NDRG1: variants seen among roughly 807,000 people sequenced by gnomAD.
The protein encoded by NDRG1 is N-myc downstream regulated 1.
NDRG1 carries 32 observed loss-of-function variants against 56.9 expected under a neutral mutation model. The observed-to-expected ratio is 0.56, with a 90% confidence interval of 0.42 to 0.76. The LOEUF (loss-of-function observed/expected upper bound fraction) is 0.76, where lower values mean the gene tolerates loss of function less well. NDRG1 is among the 30% of genes least tolerant of loss of function. The pLI is 0.00. For missense variants in NDRG1, 507 were observed against 545.7 expected, an observed-to-expected ratio of 0.93 and a Z score of 0.71; for synonymous variants, 211 against 204.1, an observed-to-expected ratio of 1.03 and a Z score of -0.29.
intron 12 of NDRG1, among the ~76,000 whole-genome samples, chr8:133,247,498 C>T (rs1364221463): frequency 1.3e-5 from 2 of 152,226 alleles, no homozygotes; most frequent in African/African-American, 4.8e-5. Context: ...CCCTGCCTCC[C>T]AGTGCCTCTC....
intron 9 of NDRG1, among the ~76,000 whole-genome samples, chr8:133,253,662 T>C (rs974360398): frequency 2.0e-5 from 3 of 152,196 alleles, no homozygotes; most frequent in Non-Finnish European, 4.4e-5. Flanking sequence ...CTGTTGCACA[T>C]ACATAAAATG....
chr8:133,243,942 GCA>G lies in NDRG1; in HGVS notation c.891+411_891+412del, dbSNP rs962460613. Reference sequence around the variant, plus strand: ...CATGCACACAGACATGTGTACACATGCACACACACAGACGTGTACACATGCAC... The same window carrying G: ...CATGCACACAGACATGTGTACACATGCACACACAGACGTGTACACATGCAC... On this transcript the variant is annotated intron_variant, in intron 14 of 15. Coordinates refer to ENST00000323851, the MANE Select transcript of NDRG1 (RefSeq NM_006096.4). 3.3e-5 allele frequency among the ~76,000 whole-genome samples: 5 copies of G among 151,990 alleles called. No homozygotes were observed. In the South Asian group the frequency reaches 8.4e-4, roughly 25 times the overall value.
At position 133,267,040 on chromosome 8, in the gene NDRG1, C is replaced by A. The variant is rs188984753; in HGVS notation, c.100-2388G>T. On this transcript the variant is annotated intron_variant, in intron 3 of 15. Transcript: ENST00000323851. ...TCCAACAAGAACTCACCACCTCCCC[C>A]TCCCCAGCGGAGGAGTGCAGGGGTT... Among the ~76,000 whole-genome samples, 88 of 152,328 alleles carry A rather than the reference C, an allele frequency of 5.8e-4. 2 individuals carry two copies. The highest frequency in any genetic ancestry group is 1.9e-3 in the African/African-American group (78 of 41,566).
chr8:133,251,658 C>T (rs1420781478), intron 9 of NDRG1, among the ~76,000 whole-genome samples: 5 of 152,134 alleles, frequency 3.3e-5, no homozygotes, highest in Non-Finnish European at 7.3e-5. Flanking sequence ...ATGTGTCACA[C>T]GCTGTGGAAT....
intron 3 of NDRG1, among the ~76,000 whole-genome samples, chr8:133,270,334 T>G (rs1455674553): frequency 6.6e-6 from 1 of 152,244 alleles, no homozygotes; most frequent in African/African-American, 2.4e-5. Context: ...TTTAAAACTA[T>G]GGCAGACTCT....
chr8:133,259,350 C>T lies in NDRG1; in HGVS notation c.327-120G>A, dbSNP rs921054238. On this transcript the variant is annotated intron_variant, in intron 5 of 15. Transcript: ENST00000323851. Reference sequence around the variant, plus strand: ...CCTGCCCCATGCACCCAGACCCCCCCACCCCCAAGTCTAGTCCCTTCGCAT... The same window carrying T: ...CCTGCCCCATGCACCCAGACCCCCCTACCCCCAAGTCTAGTCCCTTCGCAT... The T allele has an allele frequency of 5.2e-6, 5 of 968,454 alleles. No individual in the cohort carries two copies. The South Asian group carries it at 5.2e-5, about 10-fold the overall frequency. The allele number at this position is 968,454 out of a possible 1,614,324, so 60.0% of individuals were successfully genotyped here.
At chr8:133,283,735 G>A (rs1266716667) in intron 2 of NDRG1, among the ~76,000 whole-genome samples, 2 of 152,212 alleles carry the variant, frequency 1.3e-5, no homozygotes, top group Non-Finnish European at 2.9e-5. Context: ...ATACTGAGAG[G>A]TTAGCAAGTG....
intron 2 of NDRG1, among the ~76,000 whole-genome samples, chr8:133,282,963 T>C (rs1241265673): frequency 6.6e-6 from 1 of 152,236 alleles, no homozygotes; most frequent in African/African-American, 2.4e-5. Flanking sequence ...GTTTTTATTT[T>C]TAAATCTGCA....
At chr8:133,288,736 C>A (rs561546694) in intron 1 of NDRG1, among the ~76,000 whole-genome samples, 28 of 152,370 alleles carry the variant, frequency 1.8e-4, no homozygotes, top group South Asian at 6.2e-4. Context: ...TGACTCCTAG[C>A]CCACCAGCCC....
At chr8:133,278,875 GTC>G (rs1348457464) in intron 3 of NDRG1, among the ~76,000 whole-genome samples, 1 of 147,812 alleles carries the variant, frequency 6.8e-6, no homozygotes, top group Non-Finnish European at 1.5e-5. Flanking sequence ...TCCCAGTGCT[GTC>G]TCTCTTCTTC....
intron 1 of NDRG1, among the ~76,000 whole-genome samples, chr8:133,289,479 T>C (rs16904883): frequency 0.012 from 1,849 of 152,156 alleles, 40 homozygotes; most frequent in African/African-American, 0.042. Context: ...AGGTTTCTGA[T>C]TATCAGGCCC....
intron 10 of NDRG1, chr8:133,249,184 A>G: frequency 1.3e-5 from 4 of 318,202 alleles, no homozygotes; most frequent in South Asian, 8.9e-5. Flanking sequence ...TCCTCTATAA[A>G]GCACCCAAAT....
At chr8:133,258,890 G>A in intron 6 of NDRG1, 1 of 550,680 alleles carries the variant, frequency 1.8e-6, no homozygotes, top group South Asian at 2.1e-5. Flanking sequence ...GAAAGAGAAG[G>A]GAATGGAAGA....
intron 1 of NDRG1, among the ~76,000 whole-genome samples, chr8:133,290,307 G>A (rs1205995987): frequency 6.6e-6 from 1 of 152,156 alleles, no homozygotes; most frequent in African/African-American, 2.4e-5. Flanking sequence ...AGGCAACAAT[G>A]TAACCCTACA....
At chr8:133,254,810 T>C (rs1391507604) in intron 8 of NDRG1, 1 of 589,952 alleles carries the variant, frequency 1.7e-6, no homozygotes, top group Non-Finnish European at 3.1e-6. Flanking sequence ...CTATATCCAG[T>C]TCCTTATTTT....
At chr8:133,240,422 G>A (rs1855314966) in intron 15 of NDRG1, 1 of 152,226 alleles carries the variant, frequency 6.6e-6, no homozygotes. Context: ...TAAAGAGCTA[G>A]TTTTGAATTC....
At chr8:133,280,321 A>G (rs548484842) in intron 2 of NDRG1, 54 bp from the exon 3 acceptor site, 1 of 1,581,726 alleles carries the variant, frequency 6.3e-7, no homozygotes, top group Admixed American at 1.7e-5. Flanking sequence ...TGTAAGAGAA[A>G]TAATATTGGG....
At chr8:133,243,378 T>C (rs944803763) in intron 14 of NDRG1, among the ~76,000 whole-genome samples, 1 of 152,226 alleles carries the variant, frequency 6.6e-6, no homozygotes, top group African/African-American at 2.4e-5. Flanking sequence ...CCAGTAATCA[T>C]GGGCAATCTC....
At chr8:133,272,067 G>A (rs1857220174) in intron 3 of NDRG1, among the ~76,000 whole-genome samples, 1 of 152,166 alleles carries the variant, frequency 6.6e-6, no homozygotes. Flanking sequence ...CTCACACAAT[G>A]GAAGACCTTC....
Sources: allele counts gnomAD v4.1 joint callset (sites outside exome capture counted in the v4.1 genomes callset), GRCh38; gene constraint gnomAD v4.1.1; transcripts MANE v1.5; gene names NCBI Gene and HGNC (gene_info 2026-07-23, HGNC 2026-07-21).